ZFHX3: variants seen among roughly 807,000 people sequenced by gnomAD.
ZFHX3 encodes zinc finger homeobox 3.
In ZFHX3, 42 loss-of-function variants were observed where a neutral mutation model predicts 279.1. The ratio of observed to expected loss-of-function variants is 0.15; its 90% CI spans 0.12 to 0.19. The LOEUF (loss-of-function observed/expected upper bound fraction) is 0.19. Among genes scored for constraint, ZFHX3 ranks in the 10% least tolerant of loss-of-function variants. The pLI is 1.00. For synonymous variants in ZFHX3, 2,293 were observed against 1,957.8 expected (o/e 1.17, Z -4.52); for missense variants, 4,981 against 4,754.0 (o/e 1.05, Z -1.40).
chr16:72,962,154 G>T (rs570544627), intron 1 of ZFHX3, among the ~76,000 whole-genome samples: 2 of 152,176 alleles, frequency 1.3e-5, no homozygotes, highest in South Asian at 4.1e-4. Flanking sequence ...GGAAGGGGGG[G>T]CCACGATTGA....
intron 4 of ZFHX3, among the ~76,000 whole-genome samples, chr16:72,857,452 T>G (rs560101935): frequency 6.6e-6 from 1 of 152,328 alleles, no homozygotes; most frequent in Non-Finnish European, 1.5e-5. Flanking sequence ...TTTGGGAGGC[T>G]GAGGCAGGAG....
intron 2 of ZFHX3, among the ~76,000 whole-genome samples, chr16:73,532,175 C>T (rs1373826364): frequency 6.6e-6 from 1 of 151,884 alleles, no homozygotes; most frequent in Non-Finnish European, 1.5e-5. Flanking sequence ...CAAATCTTGT[C>T]TTGAATTGTA....
At chr16:73,341,440 C>T (rs1374835782) in intron 3 of ZFHX3, among the ~76,000 whole-genome samples, 1 of 152,032 alleles carries the variant, frequency 6.6e-6, no homozygotes, top group Non-Finnish European at 1.5e-5. Context: ...AGCCTTTAAA[C>T]ATAAGAAAAA....
intron 5 of ZFHX3, among the ~76,000 whole-genome samples, chr16:73,175,525 C>T (rs1041232951): frequency 2.0e-5 from 3 of 152,190 alleles, no homozygotes; most frequent in East Asian, 1.9e-4. Flanking sequence ...GATGTAACAA[C>T]GCCTGCTCAG....
intron 2 of ZFHX3, among the ~76,000 whole-genome samples, chr16:73,526,450 T>C (rs2019697320): frequency 6.6e-6 from 1 of 152,208 alleles, no homozygotes; most frequent in Non-Finnish European, 1.5e-5. Context: ...GATAACACCC[T>C]GACCTTGATC....
intron 1 of ZFHX3, among the ~76,000 whole-genome samples, chr16:73,725,859 T>A (rs1015980280): frequency 6.6e-6 from 1 of 152,182 alleles, no homozygotes; most frequent in African/African-American, 2.4e-5. Context: ...TGGCCCCATA[T>A]GCTCACCAAC....
At chr16:73,801,598 C>T (rs1462832993) in intron 1 of ZFHX3, among the ~76,000 whole-genome samples, 5 of 152,206 alleles carry the variant, frequency 3.3e-5, no homozygotes, top group African/African-American at 1.2e-4. Context: ...ACTTCATTTC[C>T]CTGTGTTTCC....
In ZFHX3 at chr16:72,959,014, C is replaced by T. The variant is rs769292916; in HGVS notation, c.1132G>A (p.Ala378Thr). 1.3e-5 allele frequency: 21 copies of T among 1,611,914 alleles called. No individual in the cohort carries two copies. In the South Asian group the frequency reaches 2.3e-4, roughly 18 times the overall value. Reference protein sequence around the residue: ...FSGIRMEGEEALPAGSAAGPE... With the variant: ...FSGIRMEGEETLPAGSAAGPE... ...CCAGCGGCGGAGCCCGCTGGGAGAGCTTCCTCCCCTTCCATTCGAATGCCA... is the reference window on the plus strand; with the variant it reads ...CCAGCGGCGGAGCCCGCTGGGAGAGTTTCCTCCCCTTCCATTCGAATGCCA... Residue 378 changes from alanine (A) to threonine (T), a missense_variant, in exon 2 of 10, where the codon GCT (alanine) becomes ACT (threonine). By Grantham distance (58) the Ala-to-Thr change is moderately conservative (BLOSUM62 0). Coordinates refer to ENST00000268489, the MANE Select transcript of ZFHX3 (RefSeq NM_006885.4).
chr16:73,882,822 C>G (rs1013981597), intron 1 of ZFHX3, among the ~76,000 whole-genome samples: 1 of 151,848 alleles, frequency 6.6e-6, no homozygotes, highest in Admixed American at 6.6e-5. Context: ...TTGTTTATTC[C>G]ATCCACTTTC....
chr16:73,541,678 T>C (rs2020013479), intron 2 of ZFHX3, among the ~76,000 whole-genome samples: 1 of 151,594 alleles, frequency 6.6e-6, no homozygotes, highest in Non-Finnish European at 1.5e-5. Flanking sequence ...ATGGGACGCT[T>C]GGATGAGAGA....
chr16:73,324,975 G>A (rs2015651670), intron 3 of ZFHX3, among the ~76,000 whole-genome samples: 1 of 152,142 alleles, frequency 6.6e-6, no homozygotes, highest in South Asian at 2.1e-4. Flanking sequence ...GATTGGACAG[G>A]CATAAAATTA....
intron 2 of ZFHX3, among the ~76,000 whole-genome samples, chr16:73,647,468 CT>C (rs1377291355): frequency 6.6e-6 from 1 of 152,092 alleles, no homozygotes; most frequent in Non-Finnish European, 1.5e-5. Context: ...GCACTTACCG[CT>C]TCACTCCCTC....
chr16:73,275,438 T>A (rs2014269256), intron 4 of ZFHX3, among the ~76,000 whole-genome samples: 1 of 152,106 alleles, frequency 6.6e-6, no homozygotes, highest in Non-Finnish European at 1.5e-5. Flanking sequence ...GGGGACAAGA[T>A]CACATGGTCG....
At chr16:73,520,436 CA>C (rs1337296756) in intron 2 of ZFHX3, among the ~76,000 whole-genome samples, 1 of 152,110 alleles carries the variant, frequency 6.6e-6, no homozygotes, top group Non-Finnish European at 1.5e-5. Context: ...GAGCTTTTAC[CA>C]GATGAGGAAT....
At chr16:72,972,631 G>C (rs2144513753) in intron 1 of ZFHX3, among the ~76,000 whole-genome samples, 1 of 152,232 alleles carries the variant, frequency 6.6e-6, no homozygotes, top group South Asian at 2.1e-4. Context: ...GGGAGGGTGG[G>C]AAGGCACTAT....
intron 7 of ZFHX3, among the ~76,000 whole-genome samples, chr16:73,105,386 C>CACACACATATTATATATAT (rs1567389799): frequency 8.4e-6 from 1 of 118,700 alleles, no homozygotes; most frequent in African/African-American, 4.7e-5. Flanking sequence ...TATATATACA[C>CACACACATATTATATATAT]ACACACACAT....
intron 2 of ZFHX3, among the ~76,000 whole-genome samples, chr16:73,594,605 G>A (rs1318353479): frequency 6.6e-6 from 1 of 152,120 alleles, no homozygotes; most frequent in Non-Finnish European, 1.5e-5. Flanking sequence ...ACAGAATAGA[G>A]TCTAGAGGTG....
At chr16:73,512,241 C>T (rs1038626791) in intron 2 of ZFHX3, among the ~76,000 whole-genome samples, 2 of 139,514 alleles carry the variant, frequency 1.4e-5, no homozygotes, top group Non-Finnish European at 3.0e-5. Flanking sequence ...CATCCTGGCC[C>T]ACATGGTGAA....
Position 72,868,751 on chromosome 16 carries a change from G to C in ZFHX3, c.3448+20980C>G, listed in dbSNP as rs532075657. ...ATTCCTCAGGCACAGAGAGCCTCCT[G>C]GTCACCTTCTGCACCTCCACCTTGA... On this transcript the variant is annotated intron_variant, in intron 4 of 9. Transcript: ENST00000268489. Among the ~76,000 whole-genome samples, 13 of 152,300 alleles carry C rather than the reference G, an allele frequency of 8.5e-5. 2 individuals carry two copies. The highest frequency in any genetic ancestry group is 6.5e-4 in the Admixed American group (10 of 15,298).
Sources: allele counts gnomAD v4.1 joint callset (sites outside exome capture counted in the v4.1 genomes callset), GRCh38; gene constraint gnomAD v4.1.1; transcripts MANE v1.5; gene names NCBI Gene and HGNC (gene_info 2026-07-23, HGNC 2026-07-21).